The following MYO9A variants were observed in gnomAD, a reference collection of about 807,000 sequenced individuals.
The protein encoded by MYO9A is myosin IXA, also known as unconventional myosin-IXa.
Under a neutral mutation model 293.3 loss-of-function variants are expected in MYO9A, and 103 were observed. The ratio of observed to expected loss-of-function variants is 0.35; its 90% CI spans 0.30 to 0.41. MYO9A has a LOEUF of 0.41. MYO9A is among the 10% of genes least tolerant of loss of function. The pLI is 1.00. For synonymous variants in MYO9A, 1,001 were observed against 1,035.7 expected (o/e 0.97, Z 0.64); for missense variants, 2,685 against 3,033.0 (o/e 0.89, Z 2.69).
chr15:72,016,682 A>G (rs1049602134), intron 6 of MYO9A, among the ~76,000 whole-genome samples: 5 of 152,226 alleles, frequency 3.3e-5, no homozygotes, highest in South Asian at 2.1e-4. Flanking sequence ...ATTAATTAAC[A>G]TAAGAAAAAC....
chr15:72,005,298 TTCTC>T (rs992881148), intron 8 of MYO9A, among the ~76,000 whole-genome samples: 8 of 152,168 alleles, frequency 5.3e-5, no homozygotes, highest in African/African-American at 1.9e-4. Flanking sequence ...AGAATTAGAT[TTCTC>T]TCTTTTTTTT....
At chr15:71,956,769 T>A (rs1341509839) in intron 14 of MYO9A, among the ~76,000 whole-genome samples, 1 of 150,582 alleles carries the variant, frequency 6.6e-6, no homozygotes, top group Non-Finnish European at 1.5e-5. Flanking sequence ...TATTCATATA[T>A]GTAGCATGTA....
At chr15:72,038,616 G>A (rs1219802550) in intron 2 of MYO9A, among the ~76,000 whole-genome samples, 3 of 152,030 alleles carry the variant, frequency 2.0e-5, no homozygotes, top group Non-Finnish European at 4.4e-5. Flanking sequence ...CACACAAAAA[G>A]CACCTTCATG....
intron 1 of MYO9A, among the ~76,000 whole-genome samples, chr15:72,072,557 T>C (rs113753089): frequency 0.016 from 2,420 of 152,290 alleles, 73 homozygotes; most frequent in African/African-American, 0.055. Context: ...ATACACAAAA[T>C]AGAATATCAC....
chr15:72,051,604 C>A (rs540809140), intron 1 of MYO9A, among the ~76,000 whole-genome samples: 19 of 152,286 alleles, frequency 1.2e-4, no homozygotes, highest in Non-Finnish European at 2.2e-4. Flanking sequence ...GGCCTCTCCT[C>A]ACTCCCAGCA....
intron 1 of MYO9A, among the ~76,000 whole-genome samples, chr15:72,103,373 AAGC>A (rs555698750): frequency 7.4e-4 from 111 of 150,518 alleles, no homozygotes; most frequent in African/African-American, 2.5e-3. Flanking sequence ...GCAGCAGCAG[AAGC>A]AGAAGCAGCA....
chr15:71,852,308 G>A (rs539093549), intron 35 of MYO9A, 48 bp from the exon 36 acceptor site: 3 of 1,467,650 alleles, frequency 2.0e-6, no homozygotes, highest in African/African-American at 1.4e-5. Context: ...CATGCAAAGA[G>A]ATTCAAATAA....
At chr15:72,047,545 A>G (rs1177597025) in intron 1 of MYO9A, among the ~76,000 whole-genome samples, 6 of 152,014 alleles carry the variant, frequency 3.9e-5, no homozygotes, top group Non-Finnish European at 8.8e-5. Flanking sequence ...ATTTATTCCT[A>G]TCTTTACCTC....
At chr15:72,066,776 T>C (rs540844371) in intron 1 of MYO9A, among the ~76,000 whole-genome samples, 1 of 151,540 alleles carries the variant, frequency 6.6e-6, no homozygotes, top group Non-Finnish European at 1.5e-5. Context: ...TATTGTATGT[T>C]ACATGGGAAC....
Position 71,898,699 on chromosome 15 carries a change from G to T in MYO9A, c.3804C>A (p.Gly1268=). The T allele has an allele frequency of 6.2e-7, 1 of 1,613,710 alleles. No individual in the cohort carries two copies. Among genetic ancestry groups the T allele is most frequent in the Non-Finnish European group, 8.5e-7 (1 of 1,179,932 alleles). ...SLEDLHQKKV[G]RAKRESRRMR... is the part of the protein sequence containing the mutation. ...TTCTCCTACTTTCTCTCTTAGCCCGGCCTACTTTTTTCTGATGGAGATCCT... is the reference window on the plus strand; with the variant it reads ...TTCTCCTACTTTCTCTCTTAGCCCGTCCTACTTTTTTCTGATGGAGATCCT... The change falls in exon 25 of 42, where the codon GGC becomes GGA. Residue 1268 remains glycine, a synonymous_variant. Transcript: ENST00000356056.
chr15:71,941,901 T>C (rs2058786020), intron 15 of MYO9A, among the ~76,000 whole-genome samples: 1 of 152,122 alleles, frequency 6.6e-6, no homozygotes, highest in Non-Finnish European at 1.5e-5. Context: ...GTTAAACATA[T>C]GCCTACTTCA....
intron 1 of MYO9A, among the ~76,000 whole-genome samples, chr15:72,098,623 T>G (rs2080145149): frequency 6.6e-6 from 1 of 152,040 alleles, no homozygotes; most frequent in East Asian, 1.9e-4. Context: ...GAGCTATCTA[T>G]TCAGAAGATA....
chr15:72,017,339 T>C (rs937035107), intron 6 of MYO9A, among the ~76,000 whole-genome samples: 3 of 152,186 alleles, frequency 2.0e-5, no homozygotes, highest in African/African-American at 4.8e-5. Flanking sequence ...TTACTTAGAC[T>C]ATCTCTGAAA....
At chr15:71,852,284 T>G (rs763226327) in intron 35 of MYO9A, 24 bp from the exon 36 acceptor site, 1 of 1,581,822 alleles carries the variant, frequency 6.3e-7, no homozygotes, top group Non-Finnish European at 8.6e-7. Context: ...AGAGTTAGAT[T>G]AACAGAGCCA....
At chr15:71,942,438 T>C (rs570111259) in intron 15 of MYO9A, among the ~76,000 whole-genome samples, 1 of 152,196 alleles carries the variant, frequency 6.6e-6, no homozygotes. Flanking sequence ...TAATCCATAA[T>C]GTTTTTTAAA....
intron 1 of MYO9A, among the ~76,000 whole-genome samples, chr15:72,049,348 G>C (rs2078484702): frequency 6.6e-6 from 1 of 152,144 alleles, no homozygotes; most frequent in Non-Finnish European, 1.5e-5. Flanking sequence ...TAACAGTGAG[G>C]ATATACTCTG....
intron 1 of MYO9A, among the ~76,000 whole-genome samples, chr15:72,050,189 T>C (rs1446826840): frequency 6.6e-6 from 1 of 151,876 alleles, no homozygotes; most frequent in African/African-American, 2.4e-5. Flanking sequence ...GGAGGGTTTG[T>C]CTCAAAATAC....
intron 2 of MYO9A, among the ~76,000 whole-genome samples, chr15:72,037,280 A>C (rs1424859931): frequency 6.6e-6 from 1 of 150,686 alleles, no homozygotes; most frequent in Non-Finnish European, 1.5e-5. Context: ...AAAAAAAAAA[A>C]AACACCAAAC....
intron 1 of MYO9A, among the ~76,000 whole-genome samples, chr15:72,066,644 G>A (rs993442065): frequency 6.6e-6 from 1 of 152,042 alleles, no homozygotes; most frequent in Non-Finnish European, 1.5e-5. Flanking sequence ...ATATAGGCAG[G>A]GCACAAAAGG....
Sources: allele counts gnomAD v4.1 joint callset (sites outside exome capture counted in the v4.1 genomes callset), GRCh38; gene constraint gnomAD v4.1.1; transcripts MANE v1.5; gene names NCBI Gene and HGNC (gene_info 2026-07-23, HGNC 2026-07-21).